Variants in IRAG1 observed in about 807,000 individuals in gnomAD.
IRAG1 encodes inositol 1,4,5-triphosphate receptor associated 1, also known as IP3R-associated cGMP kinase substrate.
A neutral mutation model predicts 106.2 loss-of-function variants in IRAG1; 62 were observed. The ratio of observed to expected loss-of-function variants is 0.58; its 90% CI spans 0.48 to 0.72. The LOEUF is 0.72. Ranked by LOEUF, IRAG1 falls within the 30% of genes least tolerant of loss-of-function variation. The pLI is 0.00. For synonymous variants in IRAG1, 462 were observed against 443.9 expected (o/e 1.04, Z -0.51); for missense variants, 1,064 against 1,140.7 (o/e 0.93, Z 0.97).
In IRAG1 at chr11:10,593,681, C is replaced by T. The variant is rs551410830; in HGVS notation, c.2068-82G>A. 1.3e-5 allele frequency: 13 copies of T among 1,027,522 alleles called. No individual in the cohort carries two copies. In the East Asian group the frequency reaches 2.7e-4, roughly 21 times the overall value. 63.7% of individuals were successfully genotyped at this position (1,027,522 alleles called of 1,614,324 possible). A position where few individuals can be genotyped will look rare whatever the true frequency, so the allele number is the denominator to read the frequency against. On this transcript the variant is annotated intron_variant, in intron 16 of 20. Coordinates refer to ENST00000423302, the MANE Select transcript of IRAG1 (RefSeq NM_130385.4). ...CAGAAGGGCTGGGAAAAAGCCTCCTCATTTCTAATGCTGTAATGGCATTCA... is the reference window on the plus strand; with the variant it reads ...CAGAAGGGCTGGGAAAAAGCCTCCTTATTTCTAATGCTGTAATGGCATTCA...
chr11:10,585,250 A>G (rs564323253), intron 18 of IRAG1, among the ~76,000 whole-genome samples: 1 of 152,214 alleles, frequency 6.6e-6, no homozygotes, highest in African/African-American at 2.4e-5. Context: ...CAGGAAGCCC[A>G]TTTCATCGAC....
chr11:10,658,969 C>T (rs1859179479), intron 1 of IRAG1, among the ~76,000 whole-genome samples: 1 of 150,756 alleles, frequency 6.6e-6, no homozygotes, highest in Admixed American at 6.6e-5. Context: ...TGCCCAAGGT[C>T]TGTGCTGTGG....
At position 10,626,526 on chromosome 11, in the gene IRAG1, C is replaced by G. The variant is rs1856256878; in HGVS notation, c.808G>C (p.Gly270Arg). The G allele has an allele frequency of 6.2e-7, 1 of 1,613,180 alleles. No individual in the cohort carries two copies. Among genetic ancestry groups the G allele is most frequent in the South Asian group, 1.1e-5 (1 of 90,916 alleles). The change falls in exon 9 of 21, where the codon GGC becomes CGC. Residue 270 changes from glycine (G) to arginine (R), a missense_variant. Gly to Arg is a moderately radical substitution (Grantham distance 125). Coordinates refer to ENST00000423302, the MANE Select transcript of IRAG1 (RefSeq NM_130385.4). ...KQNDQRKVSQGRLAPRPPPVE... is the reference protein window; with the variant it reads ...KQNDQRKVSQRRLAPRPPPVE... ...GGAGGAGGACGAGGAGCCAGCCTGC[C>G]CTGAGACACTTTCCTCTGGTCATTC...
intron 1 of IRAG1, among the ~76,000 whole-genome samples, chr11:10,687,157 A>G (rs914730695): frequency 5.9e-5 from 9 of 152,150 alleles, no homozygotes; most frequent in Non-Finnish European, 1.3e-4. Flanking sequence ...CAACCCCTGC[A>G]GCCTCGGCCC....
chr11:10,656,416 C>T (rs138591162), intron 1 of IRAG1, among the ~76,000 whole-genome samples: 1,547 of 152,312 alleles, frequency 0.01, 17 homozygotes, highest in Admixed American at 0.019. Context: ...GGTTCAGCTA[C>T]CCTTGTATCT....
intron 11 of IRAG1, 84 bp from the exon 12 acceptor site, chr11:10,606,856 G>A (rs1183842934): frequency 1.5e-6 from 2 of 1,319,226 alleles, no homozygotes; most frequent in Non-Finnish European, 1.0e-6. Flanking sequence ...AGCAGACCAT[G>A]TGTTTCCAGG....
At chr11:10,631,429 C>T (rs576897182) in intron 4 of IRAG1, among the ~76,000 whole-genome samples, 1 of 152,240 alleles carries the variant, frequency 6.6e-6, no homozygotes, top group Admixed American at 6.5e-5. Context: ...AACTTCCTCT[C>T]CTCAGAGAGA....
At chr11:10,677,745 A>G (rs1860804208) in intron 1 of IRAG1, among the ~76,000 whole-genome samples, 1 of 152,170 alleles carries the variant, frequency 6.6e-6, no homozygotes, top group Non-Finnish European at 1.5e-5. Context: ...TCATCATCCC[A>G]AATGGAAACT....
chr11:10,582,099 T>C (rs928535978), intron 18 of IRAG1, 113 bp from the exon 19 acceptor site: 4 of 1,284,390 alleles, frequency 3.1e-6, no homozygotes, highest in Non-Finnish European at 4.2e-6. Flanking sequence ...TCAGGCTTTT[T>C]CAGTAACTTT....
At chr11:10,648,608 T>C (rs1363506012) in intron 2 of IRAG1, among the ~76,000 whole-genome samples, 1 of 152,228 alleles carries the variant, frequency 6.6e-6, no homozygotes. Context: ...TGACAGCTTC[T>C]ATTCCTGCTA....
At chr11:10,612,690 C>G (rs1368739528) in intron 10 of IRAG1, among the ~76,000 whole-genome samples, 4 of 151,780 alleles carry the variant, frequency 2.6e-5, no homozygotes, top group Non-Finnish European at 5.9e-5. Flanking sequence ...GGGAAATGTG[C>G]AAGAGACAGA....
intron 1 of IRAG1, among the ~76,000 whole-genome samples, chr11:10,658,746 C>T (rs35040034): frequency 0.22 from 30,015 of 134,638 alleles, 4,586 homozygotes; most frequent in East Asian, 0.82. Flanking sequence ...GTCCCAGGTC[C>T]GTGCTGTGGT....
At position 10,659,668 on chromosome 11, in the gene IRAG1, C is replaced by G. The variant is rs1859241350; in HGVS notation, c.68-7486G>C. 6.6e-6 allele frequency among the ~76,000 whole-genome samples: 1 copy of G among 152,186 alleles called. No individual in the cohort carries two copies. The highest frequency in any genetic ancestry group is 1.5e-5 in the Non-Finnish European group (1 of 68,042). On this transcript the variant is annotated intron_variant, in intron 1 of 20. Coordinates refer to ENST00000423302, the MANE Select transcript of IRAG1 (RefSeq NM_130385.4). The surrounding 1 kb of genome is among the most constrained non-coding windows in gnomAD (Gnocchi z 4.1). ...AATGACAGGAAATAAGCCTAAACAT[C>G]TCCCCAGGTTTCCTTTCCAGCTTGT...
At chr11:10,598,918 G>A (rs776105650) in intron 15 of IRAG1, among the ~76,000 whole-genome samples, 11 of 152,188 alleles carry the variant, frequency 7.2e-5, no homozygotes, top group Non-Finnish European at 1.6e-4. Flanking sequence ...CATAGACAAA[G>A]ATTGCAGAGG....
intron 11 of IRAG1, among the ~76,000 whole-genome samples, chr11:10,608,543 A>G (rs527835589): frequency 6.6e-6 from 1 of 152,200 alleles, no homozygotes; most frequent in African/African-American, 2.4e-5. Flanking sequence ...TCTGATGCAG[A>G]TAACTGTGCC....
rs1303751275 is a variant in IRAG1, at chr11:10,647,145, G to C, written c.225+4880C>G. 6.6e-6 allele frequency among the ~76,000 whole-genome samples: 1 copy of C among 152,146 alleles called. No individual in the cohort carries two copies. Among genetic ancestry groups the C allele is most frequent in the African/African-American group, 2.4e-5 (1 of 41,430 alleles). Reference sequence around the variant, plus strand: ...CTTTGGGAACACAGGACAACGTACTGTTGGCCCAGGTCCCAGAGCTCTCAC... The same window carrying C: ...CTTTGGGAACACAGGACAACGTACTCTTGGCCCAGGTCCCAGAGCTCTCAC... On this transcript the variant is annotated intron_variant, in intron 2 of 20. Coordinates refer to ENST00000423302, the MANE Select transcript of IRAG1 (RefSeq NM_130385.4). The surrounding 1 kb of genome is among the most constrained non-coding windows in gnomAD (Gnocchi z 4.3).
At chr11:10,661,889 C>T (rs546625712) in intron 1 of IRAG1, among the ~76,000 whole-genome samples, 1 of 152,188 alleles carries the variant, frequency 6.6e-6, no homozygotes, top group Non-Finnish European at 1.5e-5. Context: ...ATTCAGCCTA[C>T]TGCCCTATCC....
At chr11:10,672,736 C>T (rs1046402478) in intron 1 of IRAG1, among the ~76,000 whole-genome samples, 7 of 152,142 alleles carry the variant, frequency 4.6e-5, no homozygotes, top group Admixed American at 1.3e-4. Flanking sequence ...TGTAAAATGG[C>T]GTAACCGCTT....
intron 18 of IRAG1, among the ~76,000 whole-genome samples, 182 bp downstream of exon 18, chr11:10,591,354 AGGGCATCTTCCT>A (rs926341459): frequency 2.0e-5 from 3 of 152,212 alleles, no homozygotes; most frequent in Non-Finnish European, 4.4e-5. Context: ...GGCCTCACTC[AGGGCATCTTCCT>A]GGTTCAAGAA....
Sources: allele counts gnomAD v4.1 joint callset (sites outside exome capture counted in the v4.1 genomes callset), GRCh38; gene constraint gnomAD v4.1.1; non-coding constraint Gnocchi (gnomAD v3.1); transcripts MANE v1.5; gene names NCBI Gene and HGNC (gene_info 2026-07-23, HGNC 2026-07-21).